Variants in INTS9 observed in about 807,000 individuals in gnomAD.
INTS9 encodes the protein protein related to CPSF subunits of 74 kDa.
A neutral mutation model predicts 79.7 loss-of-function variants in INTS9; 55 were observed. The ratio of observed to expected loss-of-function variants is 0.69; its 90% CI spans 0.56 to 0.86. INTS9 has a LOEUF of 0.86. Among genes scored for constraint, INTS9 ranks in the 40% least tolerant of loss-of-function variants. The pLI is 0.00. For missense variants in INTS9, 721 were observed against 831.5 expected (o/e 0.87, Z 1.64); for synonymous variants, 319 against 325.2 (o/e 0.98, Z 0.20).
Position 28,775,911 on chromosome 8 carries a change from A to C in INTS9, c.1411T>G (p.Cys471Gly). Residue 471 changes from cysteine (C) to glycine (G), a missense_variant, in exon 14 of 17, where the codon TGT becomes GGT. Coordinates refer to ENST00000521022, the MANE Select transcript of INTS9 (RefSeq NM_018250.4). ...LKEVQPLHVVCPEQYTQPPPA... is the reference protein window; with the variant it reads ...LKEVQPLHVVGPEQYTQPPPA... ...GGCGGCTGAGTGTACTGCTCAGGACACACCACGTGCAGGGGCTGAGGAACC... is the reference window on the plus strand; with the variant it reads ...GGCGGCTGAGTGTACTGCTCAGGACCCACCACGTGCAGGGGCTGAGGAACC... The C allele has an allele frequency of 6.4e-7, 1 of 1,570,594 alleles. No individual in the cohort carries two copies. The highest frequency in any genetic ancestry group is 8.6e-7 in the Non-Finnish European group (1 of 1,158,342).
intron 2 of INTS9, among the ~76,000 whole-genome samples, chr8:28,851,935 G>A (rs548444025): frequency 6.6e-6 from 1 of 152,164 alleles, no homozygotes; most frequent in East Asian, 1.9e-4. Flanking sequence ...ATCACTACTG[G>A]AGGCCAGGTG....
At chr8:28,861,231 G>A (rs1808441671) in intron 1 of INTS9, among the ~76,000 whole-genome samples, 1 of 152,186 alleles carries the variant, frequency 6.6e-6, no homozygotes, top group Non-Finnish European at 1.5e-5. Context: ...CAGGATTACA[G>A]AAAATTTTTT....
intron 8 of INTS9, among the ~76,000 whole-genome samples, chr8:28,811,866 G>A (rs756154417): frequency 6.6e-6 from 1 of 152,114 alleles, no homozygotes; most frequent in Non-Finnish European, 1.5e-5. Context: ...GAAATGACCA[G>A]GCACTTTATT....
At chr8:28,782,001 A>C (rs769756903) in intron 11 of INTS9, among the ~76,000 whole-genome samples, 2 of 152,216 alleles carry the variant, frequency 1.3e-5, no homozygotes, top group African/African-American at 2.4e-5. Context: ...GGGATGGTGC[A>C]GTGGGCAACT....
intron 1 of INTS9, among the ~76,000 whole-genome samples, chr8:28,880,568 G>A (rs1478170760): frequency 6.6e-6 from 1 of 151,592 alleles, no homozygotes; most frequent in Non-Finnish European, 1.5e-5. Context: ...GTGCTCAATG[G>A]TGCCCAGGCT....
At chr8:28,867,833 G>A (rs1356774022) in intron 1 of INTS9, among the ~76,000 whole-genome samples, 1 of 151,754 alleles carries the variant, frequency 6.6e-6, no homozygotes, top group East Asian at 1.9e-4. Context: ...GTGTTTATTA[G>A]GTATCGGGTA....
intron 13 of INTS9, among the ~76,000 whole-genome samples, chr8:28,776,435 T>TG (rs779507853): frequency 5.8e-5 from 5 of 86,486 alleles, no homozygotes; most frequent in South Asian, 3.3e-4. Flanking sequence ...GAGTTTTTTT[T>TG]TTTTGTTTTT....
chr8:28,779,084 G>A (rs1803080401), intron 12 of INTS9, among the ~76,000 whole-genome samples: 1 of 152,168 alleles, frequency 6.6e-6, no homozygotes, highest in Non-Finnish European at 1.5e-5. Context: ...GTTATCTACT[G>A]TGCTGTGTAG....
intron 4 of INTS9, among the ~76,000 whole-genome samples, chr8:28,839,378 T>G (rs373935536): frequency 3.3e-5 from 5 of 151,836 alleles, no homozygotes; most frequent in Non-Finnish European, 5.9e-5. Flanking sequence ...AGGTAATTTA[T>G]AGATTCAATG....
At position 28,768,147 on chromosome 8, in the gene INTS9, C is replaced by A; in HGVS notation, c.1976G>T (p.Ter659LeuextTer40). The A allele has an allele frequency of 1.9e-6, 3 of 1,614,086 alleles. No individual in the cohort carries two copies. The highest frequency in any genetic ancestry group is 2.5e-6 in the Non-Finnish European group (3 of 1,180,016). The change falls in exon 17 of 17, where the codon TGA (stop) becomes TTA (leucine). Residue 659 changes from the stop codon to leucine, a stop_lost. Transcript: ENST00000521022. Reference protein sequence around the residue: ...DLVLKFLQKF* With the variant: ...DLVLKFLQKFL ...AGGGAAGTAGCTCAGATGGCCCACT[C>A]AGAACTTCTGTAAGAATTTGAGGAC...
At chr8:28,853,071 T>C (rs1807935354) in intron 2 of INTS9, among the ~76,000 whole-genome samples, 1 of 152,128 alleles carries the variant, frequency 6.6e-6, no homozygotes, top group Admixed American at 6.5e-5. Flanking sequence ...GATTACAAAG[T>C]TCGACTGTGT....
chr8:28,815,162 T>C (rs9773305), intron 6 of INTS9, among the ~76,000 whole-genome samples: 30,696 of 151,872 alleles, frequency 0.2, 3,508 homozygotes, highest in East Asian at 0.47. Flanking sequence ...AAAAATAAGA[T>C]AGTATAGCTA....
intron 2 of INTS9, among the ~76,000 whole-genome samples, chr8:28,852,370 C>G (rs1044955754): frequency 1.3e-5 from 2 of 149,408 alleles, no homozygotes; most frequent in African/African-American, 4.9e-5. Flanking sequence ...TCTGCTGTAA[C>G]TTTTCAGAAA....
Position 28,768,340 on chromosome 8 carries a change from A to G in INTS9, c.1801-18T>C. Reference sequence around the variant, plus strand: ...AAGCCATGCTGCTCCAGAAGAAAAGAAAGAGGTGGGCTGGGCAGACTGCAC... The same window carrying G: ...AAGCCATGCTGCTCCAGAAGAAAAGGAAGAGGTGGGCTGGGCAGACTGCAC... On this transcript the variant is annotated intron_variant, in intron 16 of 16. Transcript: ENST00000521022. 1.2e-6 allele frequency: 2 copies of G among 1,611,140 alleles called. No homozygotes were observed. The highest frequency in any genetic ancestry group is 1.7e-6 in the Non-Finnish European group (2 of 1,179,676).
At chr8:28,790,585 C>A (rs993784591) in intron 10 of INTS9, among the ~76,000 whole-genome samples, 3 of 152,162 alleles carry the variant, frequency 2.0e-5, no homozygotes, top group Non-Finnish European at 4.4e-5. Flanking sequence ...GCCTTGGCCT[C>A]CTAAAGTGCT....
At chr8:28,873,236 A>G (rs1190358647) in intron 1 of INTS9, among the ~76,000 whole-genome samples, 2 of 152,142 alleles carry the variant, frequency 1.3e-5, no homozygotes, top group African/African-American at 4.8e-5. Context: ...CAGGCACACA[A>G]ATAGGTTTTA....
intron 6 of INTS9, among the ~76,000 whole-genome samples, chr8:28,817,835 C>A (rs1805587603): frequency 6.6e-6 from 1 of 150,586 alleles, no homozygotes; most frequent in Non-Finnish European, 1.5e-5. Flanking sequence ...TTTCATTGAG[C>A]AGTTGTTTGT....
At chr8:28,787,700 T>C (rs991924725) in intron 11 of INTS9, 129 bp downstream of exon 11, 1 of 527,970 alleles carries the variant, frequency 1.9e-6, no homozygotes. Context: ...TCCCTGTGTC[T>C]GACTTGGGAG....
intron 10 of INTS9, among the ~76,000 whole-genome samples, chr8:28,788,539 C>A (rs1388967294): frequency 6.6e-6 from 1 of 152,194 alleles, no homozygotes; most frequent in African/African-American, 2.4e-5. Flanking sequence ...CTGCCAAAGC[C>A]TCCCAAGTAG....
Sources: gnomAD v4.1 joint callset for allele counts (sites outside exome capture counted in the v4.1 genomes callset) on GRCh38, gnomAD v4.1.1 for gene constraint, MANE v1.5 for transcripts, NCBI Gene and HGNC (gene_info 2026-07-23, HGNC 2026-07-21) for gene names.